Variants in FAM107B observed in about 807,000 individuals in gnomAD.
FAM107B encodes protein FAM107B.
A neutral mutation model predicts 31.5 loss-of-function variants in FAM107B; 21 were observed. The ratio of observed to expected loss-of-function variants is 0.67; its 90% CI spans 0.47 to 0.96. FAM107B has a LOEUF of 0.96. Ranked by LOEUF, FAM107B falls within the 40% of genes least tolerant of loss-of-function variation. The pLI is 0.00. For missense variants in FAM107B, 452 were observed against 377.1 expected (o/e 1.20, Z -1.64); for synonymous variants, 157 against 141.5 (o/e 1.11, Z -0.78).
intron 2 of FAM107B, among the ~76,000 whole-genome samples, chr10:14,630,409 CAAGAAAAAAAAA>C (rs1358300625): frequency 6.6e-6 from 1 of 150,588 alleles, no homozygotes; most frequent in Non-Finnish European, 1.5e-5. Context: ...TCCCAACAAA[CAAGAAAAAAAAA>C]TGCACTGAGG....
At chr10:14,763,406 G>A (rs1005324230) in intron 1 of FAM107B, among the ~76,000 whole-genome samples, 5 of 152,162 alleles carry the variant, frequency 3.3e-5, no homozygotes, top group African/African-American at 4.8e-5. Context: ...CTATTGCAAC[G>A]TATCACCAGG....
At chr10:14,695,913 T>C (rs2688838) in intron 1 of FAM107B, among the ~76,000 whole-genome samples, 50,168 of 152,108 alleles carry the variant, frequency 0.33, 8,424 homozygotes, top group Admixed American at 0.37. Flanking sequence ...TATGGGCTCA[T>C]ATCATGTGCA....
chr10:14,765,201 C>T (rs374857568), intron 1 of FAM107B, among the ~76,000 whole-genome samples: 14 of 152,194 alleles, frequency 9.2e-5, no homozygotes, highest in Admixed American at 4.6e-4. Flanking sequence ...TGAAAATAAA[C>T]GGTGCTTTAA....
At chr10:14,618,816 G>A (rs934563538) in intron 2 of FAM107B, among the ~76,000 whole-genome samples, 4 of 151,978 alleles carry the variant, frequency 2.6e-5, no homozygotes, top group African/African-American at 4.8e-5. Flanking sequence ...CAGCCTGGGC[G>A]ACAGAGTGAG....
chr10:14,570,233 G>GGTGTGTGTGT (rs57206586), intron 2 of FAM107B, among the ~76,000 whole-genome samples: 46 of 140,422 alleles, frequency 3.3e-4, no homozygotes, highest in African/African-American at 1.1e-3. Context: ...AAATGTGGTG[G>GGTGTGTGTGT]GTGTGTGTGT....
intron 2 of FAM107B, among the ~76,000 whole-genome samples, chr10:14,576,546 A>G (rs1314333398): frequency 6.6e-6 from 1 of 151,830 alleles, no homozygotes; most frequent in Non-Finnish European, 1.5e-5. Context: ...AACAACAACA[A>G]CAACAAAAAG....
intron 2 of FAM107B, among the ~76,000 whole-genome samples, chr10:14,644,953 A>G (rs145114083): frequency 1.6e-4 from 25 of 152,302 alleles, no homozygotes; most frequent in African/African-American, 5.5e-4. Context: ...ATAAATATTA[A>G]CTTCCTTACT....
At chr10:14,661,642 C>T (rs1192645140) in intron 2 of FAM107B, 1 of 152,178 alleles carries the variant, frequency 6.6e-6, no homozygotes, top group Non-Finnish European at 1.5e-5. Context: ...ATTTTTCAGC[C>T]TCCAAAATCA....
chr10:14,767,511 A>G (rs1193742429), intron 1 of FAM107B, among the ~76,000 whole-genome samples: 1 of 152,214 alleles, frequency 6.6e-6, no homozygotes, highest in Admixed American at 6.5e-5. Context: ...ATGATGGTCA[A>G]CATAGAAAAA....
At chr10:14,626,001 C>A (rs1853152276) in intron 2 of FAM107B, among the ~76,000 whole-genome samples, 1 of 152,118 alleles carries the variant, frequency 6.6e-6, no homozygotes, top group Non-Finnish European at 1.5e-5. Context: ...AAAGCACATC[C>A]TCCTTCCTCA....
At chr10:14,539,138 G>A (rs564850026) in intron 2 of FAM107B, among the ~76,000 whole-genome samples, 1 of 152,172 alleles carries the variant, frequency 6.6e-6, no homozygotes, top group Non-Finnish European at 1.5e-5. Context: ...ACCGTATACC[G>A]CAAGTACACT....
At chr10:14,685,561 G>A (rs528217800) in intron 1 of FAM107B, among the ~76,000 whole-genome samples, 48 of 152,218 alleles carry the variant, frequency 3.2e-4, no homozygotes, top group Admixed American at 2.6e-3. Context: ...TGCCCTTCTC[G>A]TGAGCCATTA....
At chr10:14,692,523 C>A (rs1191472141) in intron 1 of FAM107B, among the ~76,000 whole-genome samples, 1 of 152,132 alleles carries the variant, frequency 6.6e-6, no homozygotes, top group Non-Finnish European at 1.5e-5. Flanking sequence ...CTCATAAATT[C>A]TGGAGAATTC....
intron 1 of FAM107B, among the ~76,000 whole-genome samples, chr10:14,741,950 G>A (rs1377485064): frequency 3.3e-5 from 5 of 151,850 alleles, no homozygotes; most frequent in African/African-American, 7.3e-5. Context: ...TCCTGACCTC[G>A]TGATCCACCC....
intron 2 of FAM107B, chr10:14,663,514 C>T (rs1056609255): frequency 6.6e-6 from 1 of 152,248 alleles, no homozygotes; most frequent in South Asian, 2.1e-4. Context: ...CATCTCCCTG[C>T]AGAATCTGCC....
chr10:14,676,292 C>T (rs1008827956), intron 1 of FAM107B, among the ~76,000 whole-genome samples: 2 of 152,142 alleles, frequency 1.3e-5, no homozygotes, highest in African/African-American at 4.8e-5. Flanking sequence ...ATTCCAGTAC[C>T]AAGAGTCTTC....
intron 1 of FAM107B, among the ~76,000 whole-genome samples, chr10:14,698,189 A>C (rs1330528174): frequency 6.6e-6 from 1 of 152,180 alleles, no homozygotes; most frequent in Admixed American, 6.5e-5. Context: ...AGTAATTTTT[A>C]CATGCATGAA....
intron 1 of FAM107B, among the ~76,000 whole-genome samples, chr10:14,687,988 T>A (rs2131504253): frequency 6.6e-6 from 1 of 152,248 alleles, no homozygotes; most frequent in East Asian, 1.9e-4. Flanking sequence ...CCAAAGGAGA[T>A]TAACATTTGA....
intron 2 of FAM107B, among the ~76,000 whole-genome samples, chr10:14,665,129 T>G (rs1395919624): frequency 6.6e-6 from 1 of 152,232 alleles, no homozygotes; most frequent in Admixed American, 6.5e-5. Flanking sequence ...TAATAAGCCT[T>G]TTATTGTGTC....
Sources: allele counts gnomAD v4.1 joint callset (sites outside exome capture counted in the v4.1 genomes callset), GRCh38; gene constraint gnomAD v4.1.1; transcripts MANE v1.5; gene names NCBI Gene and HGNC (gene_info 2026-07-23, HGNC 2026-07-21).